ANGPT4: variants seen among roughly 807,000 people sequenced by gnomAD.
ANGPT4 encodes the protein angiopoietin-4.
ANGPT4 carries 50 observed loss-of-function variants against 53.0 expected under a neutral mutation model. The ratio of observed to expected loss-of-function variants is 0.94; its 90% CI spans 0.75 to 1.20. The LOEUF is 1.20. Ranked by LOEUF, ANGPT4 falls within the 50% of genes most tolerant of loss-of-function variation. ANGPT4 has a pLI of 0.00. For missense variants in ANGPT4, 648 were observed against 637.1 expected (o/e 1.02, Z -0.18); for synonymous variants, 251 against 259.7 (o/e 0.97, Z 0.32).
intron 1 of ANGPT4, among the ~76,000 whole-genome samples, chr20:912,785 G>GTATC (rs111431277): frequency 0.017 from 2,635 of 152,118 alleles, 79 homozygotes; most frequent in African/African-American, 0.058. Flanking sequence ...GAAAGAGTGC[G>GTATC]TATCTGGGGA....
At position 872,964 on chromosome 20, in the gene ANGPT4, A is replaced by G; in HGVS notation, c.1508T>C (p.Ile503Thr). 1 of 1,613,914 alleles carries G rather than the reference A, an allele frequency of 6.2e-7. No homozygotes were observed. The highest frequency in any genetic ancestry group is 2.2e-5 in the East Asian group (1 of 44,872). ...ASRMMIRPLD[I>T] The stretch of plus-strand genomic sequence containing the variant: ...AGCCTCTGGCACAGCTGCTCGTTAG[A>G]TGTCCAAAGGCCGTATCATCATGCG... Residue 503 changes from isoleucine (I) to threonine (T), a missense_variant, in exon 9 of 9, where the codon ATC (isoleucine) becomes ACC (threonine). Coordinates refer to ENST00000381922, the MANE Select transcript of ANGPT4 (RefSeq NM_015985.4).
chr20:884,660 G>A, intron 4 of ANGPT4, among the ~76,000 whole-genome samples: 1 of 152,102 alleles, frequency 6.6e-6, no homozygotes, highest in East Asian at 1.9e-4. Context: ...GGTCCTTGGG[G>A]TGCATTGAGT....
At chr20:883,836 G>A (rs1375691366) in intron 4 of ANGPT4, among the ~76,000 whole-genome samples, 2 of 152,224 alleles carry the variant, frequency 1.3e-5, no homozygotes, top group Non-Finnish European at 2.9e-5. Context: ...TCAAGGCCAG[G>A]TCTGTGCATA....
chr20:875,734 T>C (rs1981139083), intron 7 of ANGPT4, among the ~76,000 whole-genome samples: 1 of 152,192 alleles, frequency 6.6e-6, no homozygotes, highest in African/African-American at 2.4e-5. Flanking sequence ...CCTTGGCAGA[T>C]GGCTGGGCCT....
intron 8 of ANGPT4, among the ~76,000 whole-genome samples, chr20:874,059 G>C (rs1204024432): frequency 6.6e-6 from 1 of 152,168 alleles, no homozygotes; most frequent in Non-Finnish European, 1.5e-5. Flanking sequence ...AGGAAAACTG[G>C]TGGTGCCAGC....
chr20:875,496 G>A (rs1299723509), intron 7 of ANGPT4, among the ~76,000 whole-genome samples: 1 of 152,194 alleles, frequency 6.6e-6, no homozygotes, highest in African/African-American at 2.4e-5. Context: ...AGATCTGGGG[G>A]CAGAAAGCCT....
intron 7 of ANGPT4, among the ~76,000 whole-genome samples, chr20:876,918 A>T (rs151112621): frequency 6.6e-6 from 1 of 152,192 alleles, no homozygotes; most frequent in Non-Finnish European, 1.5e-5. Context: ...ATGGTAGTGC[A>T]TGCCTGTAAT....
At chr20:887,636 C>CT (rs55666688) in intron 3 of ANGPT4, among the ~76,000 whole-genome samples, 13,524 of 130,274 alleles carry the variant, frequency 0.1, 806 homozygotes, top group Admixed American at 0.18. Flanking sequence ...CTCATGACCG[C>CT]TTTTTTTTTT....
intron 1 of ANGPT4, among the ~76,000 whole-genome samples, chr20:903,755 G>A (rs963606863): frequency 6.6e-6 from 1 of 152,250 alleles, no homozygotes; most frequent in African/African-American, 2.4e-5. Flanking sequence ...AAAGCCCCAT[G>A]GCTGGGGTGG....
intron 1 of ANGPT4, among the ~76,000 whole-genome samples, chr20:913,048 T>A (rs990506365): frequency 1.3e-5 from 2 of 152,124 alleles, no homozygotes; most frequent in African/African-American, 4.8e-5. Context: ...GCTTCTGGGA[T>A]TCGCGACAGG....
At chr20:885,638 G>A (rs1443718468) in intron 3 of ANGPT4, among the ~76,000 whole-genome samples, 1 of 152,178 alleles carries the variant, frequency 6.6e-6, no homozygotes, top group Non-Finnish European at 1.5e-5. Context: ...ATCCTCTAGG[G>A]AGCATGGTCA....
intron 6 of ANGPT4, among the ~76,000 whole-genome samples, chr20:878,907 A>G (rs1981278272): frequency 6.6e-6 from 1 of 152,228 alleles, no homozygotes; most frequent in Non-Finnish European, 1.5e-5. Flanking sequence ...GTCATGTCCC[A>G]ATGCCCTTGG....
In ANGPT4 at chr20:908,533, C is replaced by T. The variant is rs562376028; in HGVS notation, c.309+7373G>A. On this transcript the variant is annotated intron_variant, in intron 1 of 8. Coordinates refer to ENST00000381922, the MANE Select transcript of ANGPT4 (RefSeq NM_015985.4). This position sits in a 1 kb window ranked among gnomAD's most constrained non-coding sequence, Gnocchi z 4.9. ...GCATCTCTCGGTCCCTCCTTCATGG[C>T]ACATATCATGATTGATCGTTGCACA... Among the ~76,000 whole-genome samples, 2 of 152,168 alleles carry T rather than the reference C, an allele frequency of 1.3e-5. No homozygotes were observed. The highest frequency in any genetic ancestry group is 2.9e-5 in the Non-Finnish European group (2 of 68,038).
rs1424061911 is a variant in ANGPT4 at position 870,574 on chromosome 20, TC to T, written c.*2385del. 6.6e-6 allele frequency: 1 copy of T among 152,088 alleles called. No individual in the cohort carries two copies. Among genetic ancestry groups the T allele is most frequent in the Non-Finnish European group, 1.5e-5 (1 of 68,012 alleles). 9.4% of individuals were successfully genotyped at this position (152,088 alleles called of 1,614,324 possible). ...TAAAGAACAGGTGTCTGAGGATAAC[TC>T]AAATCAGCTTCCTGCCCCCTTATAA... is the stretch of plus-strand genomic sequence containing the variant. On this transcript the variant is annotated 3_prime_UTR_variant, in exon 9 of 9. Coordinates refer to ENST00000381922, the MANE Select transcript of ANGPT4 (RefSeq NM_015985.4).
chr20:879,578 C>A lies in ANGPT4; in HGVS notation c.1053+169G>T, dbSNP rs146212103. Among the ~76,000 whole-genome samples, 587 of 152,100 alleles carry A rather than the reference C, an allele frequency of 3.9e-3. 5 individuals are homozygous for A. The highest frequency in any genetic ancestry group is 0.013 in the African/African-American group (558 of 41,468). ...CATATGTCAGAACTTTCAGAAAGAA[C>A]ATTCAAATTCAGGTGATGGGGTCCC... On this transcript the variant is annotated intron_variant, in intron 6 of 8. Transcript: ENST00000381922.
chr20:889,184 C>T (rs1981738079), intron 2 of ANGPT4, among the ~76,000 whole-genome samples: 1 of 151,764 alleles, frequency 6.6e-6, no homozygotes, highest in Non-Finnish European at 1.5e-5. Context: ...CCCCCCCCAC[C>T]ACTCCCAATG....
chr20:903,503 A>G (rs1011380869), intron 1 of ANGPT4, among the ~76,000 whole-genome samples: 31 of 152,136 alleles, frequency 2.0e-4, no homozygotes, highest in African/African-American at 6.5e-4. Context: ...GCTATGCTCC[A>G]CACATAGCCA....
intron 6 of ANGPT4, 66 bp downstream of exon 6, chr20:879,681 C>G: frequency 7.0e-7 from 1 of 1,423,034 alleles, no homozygotes; most frequent in Non-Finnish European, 9.7e-7. Context: ...CAGTCCCCTT[C>G]CAACAGCCCA....
At position 886,775 on chromosome 20, in the gene ANGPT4, C is replaced by G. The variant is rs538689179; in HGVS notation, c.588-1450G>C. On this transcript the variant is annotated intron_variant, in intron 3 of 8. Coordinates refer to ENST00000381922, the MANE Select transcript of ANGPT4 (RefSeq NM_015985.4). ...AATGGTTGTATGGGTACTCAAAGTACGGTTTCTACTGCATGTGTATCACTT... is the reference window on the plus strand; with the variant it reads ...AATGGTTGTATGGGTACTCAAAGTAGGGTTTCTACTGCATGTGTATCACTT... 2.6e-5 allele frequency among the ~76,000 whole-genome samples: 4 copies of G among 152,308 alleles called. No individual in the cohort carries two copies. In the East Asian group the frequency reaches 7.7e-4, roughly 29 times the overall value.
Sources: gnomAD v4.1 joint callset for allele counts (sites outside exome capture counted in the v4.1 genomes callset) on GRCh38, gnomAD v4.1.1 for gene constraint, Gnocchi (gnomAD v3.1) non-coding constraint, MANE v1.5 for transcripts, NCBI Gene and HGNC (gene_info 2026-07-23, HGNC 2026-07-21) for gene names.